LMNA: variants seen among roughly 807,000 people sequenced by gnomAD.
LMNA encodes lamin A/C, also known as lamin.
Under a neutral mutation model 70.4 loss-of-function variants are expected in LMNA, and 20 were observed. That is an observed-to-expected ratio of 0.28 (90% confidence interval 0.20 to 0.41). The LOEUF (loss-of-function observed/expected upper bound fraction) is 0.41, where lower values mean the gene tolerates loss of function less well. Among genes scored for constraint, LMNA ranks in the 10% least tolerant of loss-of-function variants. The pLI, the probability that LMNA is intolerant of heterozygous loss-of-function variation, is 1.00. For synonymous variants in LMNA, 339 were observed against 372.8 expected, an observed-to-expected ratio of 0.91 and a Z score of 1.04; for missense variants, 652 against 917.2, an observed-to-expected ratio of 0.71 and a Z score of 3.73.
chr1:156,101,235 C>T (rs1649129595), intron 3 of LMNA, among the ~76,000 whole-genome samples: 3 of 152,094 alleles, frequency 2.0e-5, no homozygotes, highest in Admixed American at 2.0e-4. Context: ...CGCCTATAAT[C>T]CCAACACTTT....
chr1:156,107,797 T>G (rs1275879799), intron 3 of LMNA, among the ~76,000 whole-genome samples: 2 of 151,352 alleles, frequency 1.3e-5, no homozygotes, highest in African/African-American at 4.9e-5. Context: ...GGGTTGTTGT[T>G]TTTTTTTTCT....
intron 1 of LMNA, among the ~76,000 whole-genome samples, chr1:156,118,576 G>A (rs932770147): frequency 3.9e-5 from 6 of 152,162 alleles, no homozygotes; most frequent in Non-Finnish European, 8.8e-5. Flanking sequence ...AAGACAAAGG[G>A]GACTCAGACT....
upstream of LMNA, among the ~76,000 whole-genome samples, chr1:156,112,927 A>C (rs538476125): frequency 7.9e-5 from 12 of 152,268 alleles, no homozygotes; most frequent in South Asian, 2.5e-3. Flanking sequence ...TCATCGGAGG[A>C]TAAGCTGTGG....
intron 1 of LMNA, chr1:156,126,572 C>T (rs754819326): frequency 2.7e-5 from 22 of 804,058 alleles, no homozygotes; most frequent in Non-Finnish European, 4.4e-5. Flanking sequence ...CCCAAGGGCC[C>T]GGGCCTGCTG....
intron 1 of LMNA, chr1:156,126,219 GGC>G (rs1650564216): frequency 6.6e-7 from 1 of 1,522,716 alleles, no homozygotes; most frequent in Non-Finnish European, 8.8e-7. Flanking sequence ...GAACTCTGAG[GGC>G]TGGTGAGCAG....
Position 156,137,956 on chromosome 1 carries a change from G to C in LMNA, c.1698+213G>C. ...GTGCCCTACTCTGGTAAGGAAGGGAGTGGGAACTTTCTGATGCCATGGAAT... is the reference window on the plus strand; with the variant it reads ...GTGCCCTACTCTGGTAAGGAAGGGACTGGGAACTTTCTGATGCCATGGAAT... On this transcript the variant is annotated intron_variant, in intron 10 of 11. Coordinates refer to ENST00000368300, the MANE Select transcript of LMNA (RefSeq NM_170707.4). This position sits in a 1 kb window ranked among gnomAD's most constrained non-coding sequence, Gnocchi z 4.6. 1.0e-6 allele frequency: 1 copy of C among 993,830 alleles called. No homozygotes were observed. Among genetic ancestry groups the C allele is most frequent in the Non-Finnish European group, 1.4e-6 (1 of 694,280 alleles). 61.6% of individuals were successfully genotyped at this position (993,830 alleles called of 1,614,324 possible). A position where few individuals can be genotyped will look rare whatever the true frequency, so the allele number is the denominator to read the frequency against.
At position 156,137,413 on chromosome 1, in the gene LMNA, G is replaced by A; in HGVS notation, c.1608+181G>A. The stretch of plus-strand genomic sequence containing the variant: ...AAAGATGCTTCCTCAACAGCACAAG[G>A]GGTGGAAGTTAGACAGTGAGGATTG... On this transcript the variant is annotated intron_variant, in intron 9 of 11. Transcript: ENST00000368300. The surrounding 1 kb of genome is among the most constrained non-coding windows in gnomAD (Gnocchi z 4.6). 1 of 837,680 alleles carries A rather than the reference G, an allele frequency of 1.2e-6. No individual in the cohort carries two copies. Among genetic ancestry groups the A allele is most frequent in the African/African-American group, 1.7e-5 (1 of 59,632 alleles). The allele number at this position is 837,680 out of a possible 1,614,324, so 51.9% of individuals were successfully genotyped here.
At position 156,114,774 on chromosome 1, in the gene LMNA, G is replaced by A; in HGVS notation, c.-145G>A. The A allele has an allele frequency of 1.6e-6, 1 of 627,392 alleles. No individual in the cohort carries two copies. The highest frequency in any genetic ancestry group is 2.7e-6 in the Non-Finnish European group (1 of 371,644). The allele number at this position is 627,392 out of a possible 1,614,324, so 38.9% of individuals were successfully genotyped here. ...AGATCCCGAGGTCCGACAGCGCCCGGCCCAGATCCCCACGCCTGCCAGGAG... is the reference window on the plus strand; with the variant it reads ...AGATCCCGAGGTCCGACAGCGCCCGACCCAGATCCCCACGCCTGCCAGGAG... On this transcript the variant is annotated 5_prime_UTR_variant, in exon 1 of 12. Coordinates refer to ENST00000368300, the MANE Select transcript of LMNA (RefSeq NM_170707.4).
intron 3 of LMNA, among the ~76,000 whole-genome samples, chr1:156,095,636 C>T (rs1033325832): frequency 2.6e-5 from 4 of 152,088 alleles, no homozygotes; most frequent in African/African-American, 7.2e-5. Flanking sequence ...GGATTACAGG[C>T]GTGAGCCACT....
At chr1:156,084,015 G>A (rs1256143221) in intron 2 of LMNA, among the ~76,000 whole-genome samples, 1 of 152,144 alleles carries the variant, frequency 6.6e-6, no homozygotes, top group Non-Finnish European at 1.5e-5. Flanking sequence ...AAGAAGGGAT[G>A]GCACTGCAGC....
intron 3 of LMNA, chr1:156,090,706 G>A (rs1648663688): frequency 6.6e-6 from 1 of 152,486 alleles, no homozygotes; most frequent in African/African-American, 2.4e-5. Context: ...GTGGTTCCTG[G>A]ATGAAGTAGA....
chr1:156,105,804 T>C (rs76462222), intron 3 of LMNA, among the ~76,000 whole-genome samples: 376 of 152,272 alleles, frequency 2.5e-3, no homozygotes, highest in African/African-American at 8.7e-3. Flanking sequence ...GATGAACAAC[T>C]GTCCCTATTT....
rs754472024 is a variant in LMNA, at chr1:156,136,295, C to A, written c.1239C>A (p.Gly413=). The part of the protein sequence containing the change: ...SSHSSQTQGG[G]SVTKKRKLES... The stretch of plus-strand genomic sequence containing the variant: ...ACTCATCCCAGACACAGGGTGGGGG[C>A]AGCGTCACCAAAAAGCGCAAACTGG... Residue 413 remains glycine, a synonymous_variant, in exon 7 of 12, where the codon GGC becomes GGA. Coordinates refer to ENST00000368300, the MANE Select transcript of LMNA (RefSeq NM_170707.4). The surrounding 1 kb of genome is among the most constrained non-coding windows in gnomAD (Gnocchi z 6.1). 3.2e-5 allele frequency: 52 copies of A among 1,612,076 alleles called. No individual in the cohort carries two copies. In the South Asian group the frequency reaches 5.5e-4, roughly 17 times the overall value.
At chr1:156,124,939 CTG>C (rs1313618732) in intron 1 of LMNA, among the ~76,000 whole-genome samples, 17 of 152,182 alleles carry the variant, frequency 1.1e-4, no homozygotes. Flanking sequence ...TCTGCAGTGT[CTG>C]TGTGTATCGT....
chr1:156,131,053 C>T (rs1438643099), intron 2 of LMNA, among the ~76,000 whole-genome samples: 5 of 152,090 alleles, frequency 3.3e-5, no homozygotes, highest in South Asian at 2.1e-4. Flanking sequence ...GGGCCGATCA[C>T]GAGGTCAGGA....
upstream of LMNA, among the ~76,000 whole-genome samples, chr1:156,113,301 C>T (rs1017396035): frequency 6.6e-6 from 1 of 151,644 alleles, no homozygotes; most frequent in African/African-American, 2.4e-5. Context: ...AAGACTTAAT[C>T]TCAAAAAAAC....
intron 3 of LMNA, among the ~76,000 whole-genome samples, chr1:156,102,885 G>A (rs1326749350): frequency 6.6e-6 from 1 of 152,202 alleles, no homozygotes; most frequent in Admixed American, 6.5e-5. Flanking sequence ...CCCATATGCT[G>A]TGTCTATAGG....
At position 156,114,964 on chromosome 1, in the gene LMNA, G is replaced by A; in HGVS notation, c.46G>A (p.Ala16Thr). 1 of 1,586,842 alleles carries A rather than the reference G, an allele frequency of 6.3e-7. No homozygotes were observed. The highest frequency in any genetic ancestry group is 2.3e-5 in the East Asian group (1 of 43,140). The change falls in exon 1 of 12, where the codon GCC becomes ACC. Residue 16 changes from alanine (A) to threonine (T), a missense_variant. By Grantham distance (58) the Ala-to-Thr change is moderately conservative (BLOSUM62 0). Transcript: ENST00000368300. ...GCGCGCCACCCGCAGCGGGGCGCAG[G>A]CCAGCTCCACTCCGCTGTCGCCCAC... The part of the protein sequence containing the change: ...QRRATRSGAQ[A>T]SSTPLSPTRI...
chr1:156,137,463 C>T lies in LMNA; in HGVS notation c.1609-191C>T, dbSNP rs2102897140. 1.3e-6 allele frequency: 1 copy of T among 772,746 alleles called. No individual in the cohort carries two copies. The highest frequency in any genetic ancestry group is 2.7e-5 in the East Asian group (1 of 37,464). The allele number at this position is 772,746 out of a possible 1,614,324, so 47.9% of individuals were successfully genotyped here. A position where few individuals can be genotyped will look rare whatever the true frequency, so the allele number is the denominator to read the frequency against. ...GTTAAAGGCAGAGCCATACTCCTAC[C>T]CGGAGAGCTTGACAGTGTCCCTCTG... On this transcript the variant is annotated intron_variant, in intron 9 of 11. Coordinates refer to ENST00000368300, the MANE Select transcript of LMNA (RefSeq NM_170707.4). The surrounding 1 kb of genome is among the most constrained non-coding windows in gnomAD (Gnocchi z 4.6).
Sources: gnomAD v4.1 joint callset for allele counts (sites outside exome capture counted in the v4.1 genomes callset) on GRCh38, gnomAD v4.1.1 for gene constraint, Gnocchi (gnomAD v3.1) non-coding constraint, MANE v1.5 for transcripts, NCBI Gene and HGNC (gene_info 2026-07-23, HGNC 2026-07-21) for gene names.